The following PRR12 variants were observed in gnomAD, a reference collection of about 807,000 sequenced individuals.
PRR12 encodes proline rich 12, also known as proline-rich protein 12.
A neutral mutation model predicts 138.0 loss-of-function variants in PRR12; 12 were observed. The ratio of observed to expected loss-of-function variants is 0.09; its 90% CI spans 0.06 to 0.14. PRR12 has a LOEUF of 0.14. Ranked by LOEUF, PRR12 falls within the 10% of genes least tolerant of loss-of-function variation. PRR12 has a pLI of 1.00. For synonymous variants in PRR12, 1,567 were observed against 1,291.7 expected (o/e 1.21, Z -4.57); for missense variants, 2,692 against 2,861.3 (o/e 0.94, Z 1.35).
Position 49,594,829 on chromosome 19 carries a change from C to T in PRR12, c.494C>T (p.Pro165Leu). The T allele has an allele frequency of 1.2e-6, 2 of 1,611,998 alleles. No individual in the cohort carries two copies. The highest frequency in any genetic ancestry group is 2.2e-5 in the East Asian group (1 of 44,828). The change falls in exon 4 of 14, where the codon CCC becomes CTC. Residue 165 changes from proline (P) to leucine (L), a missense_variant. By Grantham distance (98) the Pro-to-Leu change is moderately conservative (BLOSUM62 -3). Around this residue, in one of 11 missense-constraint regions of PRR12, gnomAD observed 211 missense variants for 266.3 expected, o/e 0.79. Transcript: ENST00000418929. The surrounding 1 kb of genome is among the most constrained non-coding windows in gnomAD (Gnocchi z 5.6). ...TTCGGCAGCCGCCCCTTCCCAGTGC[C>T]CTCGTCCCTCAGCCTCCAGGACCCC... ...ASFGSRPFPVPSSLSLQDPPF... is the reference protein window; with the variant it reads ...ASFGSRPFPVLSSLSLQDPPF...
Position 49,597,647 on chromosome 19 carries a change from C to T in PRR12, c.3312C>T (p.Asp1104=), listed in dbSNP as rs577925733. Residue 1104 remains aspartate, a synonymous_variant, in exon 4 of 14, where the codon GAC becomes GAT. Transcript: ENST00000418929. The surrounding 1 kb of genome is among the most constrained non-coding windows in gnomAD (Gnocchi z 6.3). ...CCCAGGAGTACGAGTTCGAGGCGGACGAGGACAAGGCCGATGTTCCCGCCG... is the reference window on the plus strand; with the variant it reads ...CCCAGGAGTACGAGTTCGAGGCGGATGAGGACAAGGCCGATGTTCCCGCCG... ...LYAQEYEFEA[D]EDKADVPADI... is the part of the protein sequence containing the mutation. 12 of 1,608,532 alleles carry T rather than the reference C, an allele frequency of 7.5e-6. No individual in the cohort carries two copies. The East Asian group carries it at 1.8e-4, about 24-fold the overall frequency.
chr19:49,625,455 C>T lies in PRR12; in HGVS notation c.5965-6C>T. On this transcript the variant is annotated splice_region_variant and splice_polypyrimidine_tract_variant and intron_variant, in intron 13 of 13. Coordinates refer to ENST00000418929, the MANE Select transcript of PRR12 (RefSeq NM_020719.3). This position sits in a 1 kb window ranked among gnomAD's most constrained non-coding sequence, Gnocchi z 5.5. Reference sequence around the variant, plus strand: ...CCCTCCCCAGTGCCATGTTTGACCCCTGCAGACCCTGGCCATCGAGGGCGG... The same window carrying T: ...CCCTCCCCAGTGCCATGTTTGACCCTTGCAGACCCTGGCCATCGAGGGCGG... 6.2e-7 allele frequency: 1 copy of T among 1,602,348 alleles called. No homozygotes were observed.
intron 11 of PRR12, among the ~76,000 whole-genome samples, chr19:49,622,926 T>TAGAGAGAGAGAGAGAGAG (rs1195125504): frequency 1.1e-5 from 1 of 87,484 alleles, no homozygotes; most frequent in Non-Finnish European, 2.1e-5. Context: ...TATATATATA[T>TAGAGAGAGAGAGAGAGAG]ATAGAGAGAG....
Position 49,594,673 on chromosome 19 carries a change from ACG to A in PRR12, c.362-19_362-18del, listed in dbSNP as rs1318487049. On this transcript the variant is annotated intron_variant, in intron 3 of 13. Transcript: ENST00000418929. The surrounding 1 kb of genome is among the most constrained non-coding windows in gnomAD (Gnocchi z 5.6). ...TGGGACTGGCTCGCTGTTCTCTCTG[ACG>A]CGCGGTCTTCCTCATCTCCAGCCAT... is the stretch of plus-strand genomic sequence containing the variant. The A allele has an allele frequency of 6.2e-7, 1 of 1,609,496 alleles. No homozygotes were observed. The highest frequency in any genetic ancestry group is 8.5e-7 in the Non-Finnish European group (1 of 1,179,244).
At chr19:49,598,833 T>C (rs2080792908) in intron 4 of PRR12, among the ~76,000 whole-genome samples, 1 of 151,992 alleles carries the variant, frequency 6.6e-6, no homozygotes, top group Admixed American at 6.6e-5. Context: ...TAAAGGAAAT[T>C]CTGGGTTTAG....
At chr19:49,609,537 G>A (rs963414436) in intron 6 of PRR12, among the ~76,000 whole-genome samples, 1 of 151,146 alleles carries the variant, frequency 6.6e-6, no homozygotes, top group South Asian at 2.1e-4. Flanking sequence ...GGAGGCGGAG[G>A]TTTCAGTGAG....
rs1420301217 is a variant in PRR12, at chr19:49,594,507, G to A, written c.253G>A (p.Asp85Asn). Residue 85 changes from aspartate to asparagine, a missense_variant, in exon 3 of 14, where the codon GAC becomes AAC. Transcript: ENST00000418929. The surrounding 1 kb of genome is among the most constrained non-coding windows in gnomAD (Gnocchi z 5.6). The part of the protein sequence containing the change: ...GLHHAGSAGP[D>N]ASVMNLISAL... ...CCACCACGCGGGCTCAGCAGGGCCC[G>A]ACGCCTCCGTCATGAACCTTATCTC... 2 of 1,613,212 alleles carry A rather than the reference G, an allele frequency of 1.2e-6. No individual in the cohort carries two copies. The highest frequency in any genetic ancestry group is 1.6e-4 in the Middle Eastern group (1 of 6,062).
chr19:49,596,781 G>T lies in PRR12; in HGVS notation c.2446G>T (p.Ala816Ser). 6.2e-7 allele frequency: 1 copy of T among 1,600,396 alleles called. No individual in the cohort carries two copies. ...LSHAPSPSPS[A>S]SKVGVHLLEP... ...CCATGCCCCCAGTCCCTCTCCCAGC[G>T]CCTCCAAAGTCGGCGTCCACCTCCT... Residue 816 changes from alanine to serine, a missense_variant, in exon 4 of 14, where the codon GCC (alanine) becomes TCC (serine). By Grantham distance (99) the Ala-to-Ser change is moderately conservative. This residue lies in a region of PRR12 where 840 missense variants were observed against 689.8 expected (regional missense o/e 1.22). Coordinates refer to ENST00000418929, the MANE Select transcript of PRR12 (RefSeq NM_020719.3). This position sits in a 1 kb window ranked among gnomAD's most constrained non-coding sequence, Gnocchi z 5.6.
rs749294900 is a variant in PRR12, at chr19:49,614,972, G to A, written c.4987G>A (p.Ala1663Thr). 2.7e-5 allele frequency: 43 copies of A among 1,613,914 alleles called. No individual in the cohort carries two copies. The highest frequency in any genetic ancestry group is 3.6e-5 in the Non-Finnish European group (42 of 1,179,910). ...TAAGAAGGACTACGTGAGGGTCTGTGCTCGGAAACCCTGGCATCGGCCCCC... is the reference window on the plus strand; with the variant it reads ...TAAGAAGGACTACGTGAGGGTCTGTACTCGGAAACCCTGGCATCGGCCCCC... ...VNKKDYVRVCARKPWHRPPVP... is the reference protein window; with the variant it reads ...VNKKDYVRVCTRKPWHRPPVP... Residue 1663 changes from alanine (A) to threonine (T), a missense_variant, in exon 8 of 14, where the codon GCT (alanine) becomes ACT (threonine). Coordinates refer to ENST00000418929, the MANE Select transcript of PRR12 (RefSeq NM_020719.3). This position sits in a 1 kb window ranked among gnomAD's most constrained non-coding sequence, Gnocchi z 5.0.
intron 6 of PRR12, among the ~76,000 whole-genome samples, chr19:49,611,678 C>CT (rs2080866796): frequency 6.7e-6 from 1 of 150,034 alleles, no homozygotes; most frequent in Non-Finnish European, 1.5e-5. Context: ...AATCCCAGCA[C>CT]TTTGGGAGGC....
In PRR12 at chr19:49,594,702, C is replaced by G; in HGVS notation, c.367C>G (p.His123Asp). The change falls in exon 4 of 14, where the codon CAC becomes GAC. Residue 123 changes from histidine (H) to aspartate (D), a missense_variant. His to Asp is a moderately conservative substitution (Grantham distance 81). Around this residue, in one of 11 missense-constraint regions of PRR12, gnomAD observed 211 missense variants for 266.3 expected, o/e 0.79. Transcript: ENST00000418929. The surrounding 1 kb of genome is among the most constrained non-coding windows in gnomAD (Gnocchi z 5.6). ...FRSPSWQTAM[H>D]TPGPTELFIS... ...GCGGTCTTCCTCATCTCCAGCCATG[C>G]ACACGCCAGGCCCCACGGAGCTCTT... The G allele has an allele frequency of 6.2e-7, 1 of 1,612,590 alleles. No homozygotes were observed. Among genetic ancestry groups the G allele is most frequent in the South Asian group, 1.1e-5 (1 of 91,056 alleles).
intron 8 of PRR12, 38 bp from the exon 9 acceptor site, chr19:49,615,709 G>A: frequency 6.4e-7 from 1 of 1,559,620 alleles, no homozygotes. Context: ...GGATTATTGG[G>A]GGCTGCTGAC....
chr19:49,615,722 C>T (rs1472805845), intron 8 of PRR12, 25 bp from the exon 9 acceptor site: 3 of 1,595,714 alleles, frequency 1.9e-6, no homozygotes, highest in South Asian at 1.1e-5. Flanking sequence ...CTGCTGACTA[C>T]AGTCCCTTCT....
rs749465480 is a variant in PRR12, at chr19:49,625,429, AC to A, written c.5965-29del. ...TTCCCTCCCCAGAGGCCGGTGTGCC[AC>A]CCTCCCCAGTGCCATGTTTGACCCC... On this transcript the variant is annotated intron_variant, in intron 13 of 13. Transcript: ENST00000418929. This position sits in a 1 kb window ranked among gnomAD's most constrained non-coding sequence, Gnocchi z 5.5. 1.4e-5 allele frequency: 22 copies of A among 1,561,718 alleles called. 2 individuals carry two copies. In the South Asian group the frequency reaches 2.6e-4, roughly 18 times the overall value.
In PRR12 at chr19:49,597,168, A is replaced by G. The variant is rs555469279; in HGVS notation, c.2833A>G (p.Ser945Gly). The change falls in exon 4 of 14, where the codon AGC becomes GGC. Residue 945 changes from serine to glycine, a missense_variant. Transcript: ENST00000418929. This position sits in a 1 kb window ranked among gnomAD's most constrained non-coding sequence, Gnocchi z 6.3. ...CTCCTTGCTCCAAGACGAGGAGCGC[A>G]GCTTCTTCCCCACCATGGAGGAGAT... The part of the protein sequence containing the change: ...PDSLLQDEER[S>G]FFPTMEEMFG... 1.9e-6 allele frequency: 3 copies of G among 1,552,992 alleles called. No homozygotes were observed. The South Asian group carries it at 3.6e-5, about 18-fold the overall frequency.
chr19:49,597,569 C>A lies in PRR12; in HGVS notation c.3234C>A (p.Phe1078Leu). The A allele has an allele frequency of 6.3e-7, 1 of 1,599,940 alleles. No individual in the cohort carries two copies. The change falls in exon 4 of 14, where the codon TTC (phenylalanine) becomes TTA (leucine). Residue 1078 changes from phenylalanine (F) to leucine (L), a missense_variant. Physicochemically the swap from Phe to Leu is conservative, Grantham distance 22. Around this residue, in one of 11 missense-constraint regions of PRR12, gnomAD observed 840 missense variants for 689.8 expected, o/e 1.22. Transcript: ENST00000418929. The surrounding 1 kb of genome is among the most constrained non-coding windows in gnomAD (Gnocchi z 6.3). Reference protein sequence around the residue: ...KPKKLLKTSSFHLLRRRDPPF... With the variant: ...KPKKLLKTSSLHLLRRRDPPF... ...AGAAGCTGCTCAAGACATCCTCCTT[C>A]CACCTGCTGCGGCGCCGCGACCCAC...
chr19:49,602,810 C>T (rs2080819405), intron 6 of PRR12, among the ~76,000 whole-genome samples: 1 of 152,220 alleles, frequency 6.6e-6, no homozygotes, highest in African/African-American at 2.4e-5. Flanking sequence ...CCTTGGCCTC[C>T]CAAAGTGCTG....
chr19:49,615,590 G>GACAGAGTCCCAGAGAGGGAGGGGA, intron 8 of PRR12, among the ~76,000 whole-genome samples, 157 bp from the exon 9 acceptor site: 1 of 110,348 alleles, frequency 9.1e-6, no homozygotes, highest in South Asian at 3.6e-4. Flanking sequence ...GAGGGAGGGG[G>GACAGAGTCCCAGAGAGGGAGGGGA]TCAGAGTCCC....
intron 6 of PRR12, among the ~76,000 whole-genome samples, chr19:49,603,200 C>T (rs1300481179): frequency 1.3e-5 from 2 of 152,234 alleles, no homozygotes; most frequent in African/African-American, 4.8e-5. Context: ...GTGCAAGGCA[C>T]TTGACAGGGG....
Sources: allele counts gnomAD v4.1 joint callset (sites outside exome capture counted in the v4.1 genomes callset), GRCh38; gene constraint gnomAD v4.1.1; regional missense constraint gnomAD v4.1.1; non-coding constraint Gnocchi (gnomAD v3.1); transcripts MANE v1.5; gene names NCBI Gene and HGNC (gene_info 2026-07-23, HGNC 2026-07-21).